The following C13orf46 variants were observed in gnomAD, a reference collection of about 807,000 sequenced individuals.
C13orf46 encodes the protein chromosome 13 open reading frame 46.
In C13orf46 at chr13:113,956,082, C is replaced by T. The variant is rs958804446; in HGVS notation, c.*691G>A. ...GGCGGAGAGGAGGAGTAGGATCTGG[C>T]GGAGAGGTGGAGTAGTATCTGGCGG... On this transcript the variant is annotated 3_prime_UTR_variant, in exon 7 of 7. Transcript: ENST00000636427. The T allele has an allele frequency of 0.092, 13,508 of 146,502 alleles. 1,037 individuals carry two copies. The highest frequency in any genetic ancestry group is 0.12 in the Non-Finnish European group (8,250 of 68,430). 9.1% of individuals were successfully genotyped at this position (146,502 alleles called of 1,614,324 possible). A position where few individuals can be genotyped will look rare whatever the true frequency, so the allele number is the denominator to read the frequency against.
At chr13:113,937,465 C>A in the C13orf46 span, among the ~76,000 whole-genome samples, 1 of 152,190 alleles carries the variant, frequency 6.6e-6, no homozygotes, top group Non-Finnish European at 1.5e-5. Flanking sequence ...GCAGCCACGA[C>A]CTCTTCTCAT....
chr13:113,950,331 T>C (rs2052484045), downstream of C13orf46, among the ~76,000 whole-genome samples: 1 of 101,774 alleles, frequency 9.8e-6, no homozygotes, highest in Non-Finnish European at 2.0e-5. Flanking sequence ...AATGCACCCA[T>C]CTGTAGAGTG....
intron 5 of C13orf46, 137 bp downstream of exon 5, chr13:113,967,204 G>C (rs2052658519): frequency 6.6e-6 from 1 of 152,272 alleles, no homozygotes; most frequent in Non-Finnish European, 1.5e-5. Flanking sequence ...CTGGCCCCAG[G>C]TCTCTGCCTC....
At chr13:113,965,410 TC>T (rs2052625773) in intron 5 of C13orf46, among the ~76,000 whole-genome samples, 2 of 152,148 alleles carry the variant, frequency 1.3e-5, no homozygotes, top group Non-Finnish European at 2.9e-5. Context: ...TCAATAAACT[TC>T]CAGAATGATG....
intron 6 of C13orf46, among the ~76,000 whole-genome samples, chr13:113,964,449 G>A (rs888426349): frequency 2.0e-5 from 3 of 152,108 alleles, no homozygotes; most frequent in African/African-American, 4.8e-5. Flanking sequence ...GCCTAGCCCC[G>A]GCCCCAGGGC....
At chr13:113,945,101 G>A in the C13orf46 span, among the ~76,000 whole-genome samples, 1 of 151,640 alleles carries the variant, frequency 6.6e-6, no homozygotes, top group Non-Finnish European at 1.5e-5. Context: ...GGTGTGTGAC[G>A]GGCTCTGCAG....
downstream of C13orf46, among the ~76,000 whole-genome samples, chr13:113,953,548 C>T (rs910311246): frequency 9.2e-5 from 14 of 152,222 alleles, no homozygotes; most frequent in Middle Eastern, 3.4e-3. Flanking sequence ...AAGGCAAAGG[C>T]GCGTCTGACT....
chr13:113,961,412 G>A (rs2052585434), intron 6 of C13orf46, among the ~76,000 whole-genome samples: 1 of 139,870 alleles, frequency 7.1e-6, no homozygotes, highest in Non-Finnish European at 1.6e-5. Flanking sequence ...AAGCTGGGCA[G>A]TCCTGATGTG....
chr13:113,939,314 G>A, the C13orf46 span, among the ~76,000 whole-genome samples: 1 of 152,192 alleles, frequency 6.6e-6, no homozygotes, highest in African/African-American at 2.4e-5. Context: ...GCAACCCAGA[G>A]CCAGAAGGGG....
intron 6 of C13orf46, among the ~76,000 whole-genome samples, chr13:113,959,374 T>C (rs1311514328): frequency 1.3e-5 from 2 of 152,086 alleles, no homozygotes; most frequent in African/African-American, 2.4e-5. Flanking sequence ...GGTTGTCTGA[T>C]TGGGTAGAAT....
chr13:113,961,606 C>A (rs2052587426), intron 6 of C13orf46, among the ~76,000 whole-genome samples: 3 of 151,966 alleles, frequency 2.0e-5, no homozygotes, highest in Non-Finnish European at 4.4e-5. Flanking sequence ...TCCAAAACTG[C>A]TTTTTGTGGA....
chr13:113,955,765 G>A lies in C13orf46; in HGVS notation c.*1008C>T, dbSNP rs1467289912. ...TGTCTGGCAGAGAGGAGGAGCATCCGGCGGAGACGAGGAGCAGCCGGCGGA... is the reference window on the plus strand; with the variant it reads ...TGTCTGGCAGAGAGGAGGAGCATCCAGCGGAGACGAGGAGCAGCCGGCGGA... On this transcript the variant is annotated 3_prime_UTR_variant, in exon 7 of 7. Coordinates refer to ENST00000636427, the MANE Select transcript of C13orf46 (RefSeq NM_001365455.2). 936 of 128,310 alleles carry A rather than the reference G, an allele frequency of 7.3e-3. 23 individuals are homozygous for A. The highest frequency in any genetic ancestry group is 0.024 in the African/African-American group (867 of 35,504). The allele number at this position is 128,310 out of a possible 1,614,324, so 7.9% of individuals were successfully genotyped here.
the C13orf46 span, among the ~76,000 whole-genome samples, chr13:113,943,829 C>T: frequency 6.6e-6 from 1 of 152,194 alleles, no homozygotes; most frequent in Non-Finnish European, 1.5e-5. Flanking sequence ...CCCTACCAGA[C>T]ATTCCATGGA....
Position 113,954,376 on chromosome 13 carries a change from G to A in C13orf46, c.*2397C>T, listed in dbSNP as rs1168236270. 1 of 152,498 alleles carries A rather than the reference G, an allele frequency of 6.6e-6. No homozygotes were observed. The highest frequency in any genetic ancestry group is 2.1e-4 in the South Asian group (1 of 4,834). The allele number at this position is 152,498 out of a possible 1,614,324, so 9.4% of individuals were successfully genotyped here. Reference sequence around the variant, plus strand: ...GCACGTGTGCGTGTCTGAACGAGAGGGCTCTGGGTGGATTCTGGTGAAACT... The same window carrying A: ...GCACGTGTGCGTGTCTGAACGAGAGAGCTCTGGGTGGATTCTGGTGAAACT... On this transcript the variant is annotated 3_prime_UTR_variant, in exon 7 of 7. Coordinates refer to ENST00000636427, the MANE Select transcript of C13orf46 (RefSeq NM_001365455.2).
At chr13:113,966,731 G>GGTGATGATGATGATGGTT (rs1430980700) in intron 5 of C13orf46, among the ~76,000 whole-genome samples, 4 of 151,900 alleles carry the variant, frequency 2.6e-5, no homozygotes, top group Non-Finnish European at 4.4e-5. Context: ...TGTTGCTGGT[G>GGTGATGATGATGATGGTT]GTGATGATGA....
rs1187722798 is a variant in C13orf46, at chr13:113,954,339, A to G, written c.*2434T>C. On this transcript the variant is annotated 3_prime_UTR_variant, in exon 7 of 7. Coordinates refer to ENST00000636427, the MANE Select transcript of C13orf46 (RefSeq NM_001365455.2). ...ATGTACGAGCATGTATGTGCTGTGT[A>G]CATATGAATATGCACGTGTGCGTGT... The G allele has an allele frequency of 3.3e-5, 5 of 152,436 alleles. No individual in the cohort carries two copies. Among genetic ancestry groups the G allele is most frequent in the African/African-American group, 1.2e-4 (5 of 41,580 alleles). The allele number at this position is 152,436 out of a possible 1,614,324, so 9.4% of individuals were successfully genotyped here.
the C13orf46 span, among the ~76,000 whole-genome samples, chr13:113,946,943 G>A: frequency 1.3e-5 from 2 of 152,276 alleles, no homozygotes; most frequent in Admixed American, 6.5e-5. Flanking sequence ...GGGCCGACCG[G>A]CAGGTGCGTG....
the C13orf46 span, among the ~76,000 whole-genome samples, chr13:113,937,967 C>T: frequency 3.0e-4 from 45 of 152,238 alleles, 1 homozygote; most frequent in South Asian, 7.5e-3. Context: ...GTGGGCAAAT[C>T]GTGAGGCAGG....
chr13:113,932,376 C>T, the C13orf46 span, among the ~76,000 whole-genome samples: 10 of 152,210 alleles, frequency 6.6e-5, no homozygotes, highest in Non-Finnish European at 1.2e-4. Context: ...CCCACATCCT[C>T]GCCAGCCCTT....
Sources: gnomAD v4.1 joint callset for allele counts (sites outside exome capture counted in the v4.1 genomes callset) on GRCh38, gnomAD v4.1.1 for gene constraint, MANE v1.5 for transcripts, NCBI Gene and HGNC (gene_info 2026-07-23, HGNC 2026-07-21) for gene names.